The following ABCA13 variants were observed in gnomAD, a reference collection of about 807,000 sequenced individuals.
ABCA13 encodes ATP binding cassette subfamily A member 13, also known as ATP-binding cassette sub-family A member 13.
Under a neutral mutation model 478.7 loss-of-function variants are expected in ABCA13, and 476 were observed. The ratio of observed to expected loss-of-function variants is 0.99; its 90% confidence interval spans 0.92 to 1.07. ABCA13 has a LOEUF of 1.07. Among genes scored for constraint, ABCA13 ranks in the 50% least tolerant of loss-of-function variants. The pLI is 0.00. For synonymous variants in ABCA13, 2,252 were observed against 2,158.9 expected (o/e 1.04, Z -1.20); for missense variants, 6,060 against 5,910.6 (o/e 1.03, Z -0.83).
chr7:48,504,088 G>A (rs764644476), intron 48 of ABCA13, among the ~76,000 whole-genome samples: 9 of 152,142 alleles, frequency 5.9e-5, no homozygotes, highest in African/African-American at 1.9e-4. Flanking sequence ...TAAATTCAGC[G>A]TTGGACAGAC....
At chr7:48,633,514 A>G (rs1331954480) in intron 59 of ABCA13, among the ~76,000 whole-genome samples, 1 of 152,146 alleles carries the variant, frequency 6.6e-6, no homozygotes, top group East Asian at 1.9e-4. Flanking sequence ...AATCAACCAC[A>G]TGCTCAGCCA....
Position 48,338,439 on chromosome 7 carries a change from A to G in ABCA13, c.10188A>G (p.Glu3396=). The change falls in exon 29 of 62, where the codon GAA becomes GAG. Residue 3396 remains glutamate (E), a synonymous_variant. Coordinates refer to ENST00000435803, the MANE Select transcript of ABCA13 (RefSeq NM_152701.5). ...QLHIDVDKLT[E]KLQTYGGLLD... Reference sequence around the variant, plus strand: ...ACATTGATGTAGACAAACTTACTGAAAAACTCCAGACATACGGTAAGTGTG... The same window carrying G: ...ACATTGATGTAGACAAACTTACTGAGAAACTCCAGACATACGGTAAGTGTG... 4 of 1,594,370 alleles carry G rather than the reference A, an allele frequency of 2.5e-6. No homozygotes were observed. The highest frequency in any genetic ancestry group is 3.4e-6 in the Non-Finnish European group (4 of 1,169,640).
intron 43 of ABCA13, among the ~76,000 whole-genome samples, chr7:48,463,963 T>C (rs1041101082): frequency 2.3e-4 from 35 of 152,224 alleles, no homozygotes; most frequent in South Asian, 1.0e-3. Context: ...TCAGAACCAC[T>C]GGGGGGACTT....
intron 27 of ABCA13, 28 bp from the exon 28 acceptor site, chr7:48,335,394 A>G (rs768188731): frequency 6.7e-7 from 1 of 1,487,518 alleles, no homozygotes; most frequent in Middle Eastern, 1.7e-4. Flanking sequence ...TGAATAAGAG[A>G]CATATCCAAA....
chr7:48,298,255 A>G, intron 22 of ABCA13, 111 bp from the exon 23 acceptor site: 1 of 961,716 alleles, frequency 1.0e-6, no homozygotes, highest in Non-Finnish European at 1.5e-6. Flanking sequence ...TATGGGTTGA[A>G]TGGTGTGAAA....
chr7:48,622,719 G>A (rs1793262132), intron 59 of ABCA13, among the ~76,000 whole-genome samples: 1 of 152,094 alleles, frequency 6.6e-6, no homozygotes, highest in African/African-American at 2.4e-5. Context: ...TAATAATATT[G>A]AGAACTAATT....
At chr7:48,202,909 C>T (rs1254300404) in intron 3 of ABCA13, among the ~76,000 whole-genome samples, 1 of 152,008 alleles carries the variant, frequency 6.6e-6, no homozygotes, top group Non-Finnish European at 1.5e-5. Context: ...GTGCCGTGCG[C>T]CCGCGCTCCT....
chr7:48,637,489 C>T (rs796533523), intron 59 of ABCA13, among the ~76,000 whole-genome samples: 4 of 147,774 alleles, frequency 2.7e-5, no homozygotes, highest in African/African-American at 1.0e-4. Flanking sequence ...GTGAGAATAG[C>T]TTGGTGGCTA....
chr7:48,432,561 A>G (rs1822288206), intron 42 of ABCA13, among the ~76,000 whole-genome samples: 1 of 152,206 alleles, frequency 6.6e-6, no homozygotes, highest in African/African-American at 2.4e-5. Context: ...CAAGACATGG[A>G]ATCAACCTAA....
intron 15 of ABCA13, among the ~76,000 whole-genome samples, chr7:48,254,635 T>C (rs1793114921): frequency 6.6e-6 from 1 of 152,178 alleles, no homozygotes; most frequent in African/African-American, 2.4e-5. Flanking sequence ...TGCTTTAGTT[T>C]TGTTTCTGGC....
intron 27 of ABCA13, among the ~76,000 whole-genome samples, chr7:48,329,007 G>C (rs952405287): frequency 1.3e-5 from 2 of 152,164 alleles, no homozygotes; most frequent in Non-Finnish European, 2.9e-5. Flanking sequence ...ATTCGCACAT[G>C]CAAACAAGGA....
At chr7:48,483,225 A>G (rs536678253) in intron 47 of ABCA13, 62 bp downstream of exon 47, 2 of 1,442,192 alleles carry the variant, frequency 1.4e-6, no homozygotes, top group East Asian at 2.5e-5. Context: ...TCAACATTCA[A>G]ATATAATTTT....
In ABCA13 at chr7:48,317,268, C is replaced by T; in HGVS notation, c.9971C>T (p.Thr3324Ile). ...LHGKILYTPN[T>I]PEINKVIQKA... Reference sequence around the variant, plus strand: ...GGAAAAATACTATACACACCAAACACTCCAGAAATTAACAAGGTCATTCAA... The same window carrying T: ...GGAAAAATACTATACACACCAAACATTCCAGAAATTAACAAGGTCATTCAA... Residue 3324 changes from threonine to isoleucine, a missense_variant, in exon 27 of 62, where the codon ACT (threonine) becomes ATT (isoleucine). Transcript: ENST00000435803. 6.2e-7 allele frequency: 1 copy of T among 1,613,410 alleles called. No homozygotes were observed. Among genetic ancestry groups the T allele is most frequent in the Non-Finnish European group, 8.5e-7 (1 of 1,179,776 alleles).
chr7:48,580,515 A>G (rs1000244362), intron 56 of ABCA13, 141 bp downstream of exon 56: 11 of 714,224 alleles, frequency 1.5e-5, no homozygotes, highest in Non-Finnish European at 2.5e-5. Context: ...GAGATTTTCT[A>G]ATATGATTAT....
At chr7:48,475,822 C>G (rs1828033062) in intron 45 of ABCA13, among the ~76,000 whole-genome samples, 1 of 152,084 alleles carries the variant, frequency 6.6e-6, no homozygotes, top group African/African-American at 2.4e-5. Flanking sequence ...AAAAAGGTTC[C>G]ATGGTTAGTC....
In ABCA13 at chr7:48,615,334, G is replaced by C; in HGVS notation, c.14794G>C (p.Gly4932Arg). Residue 4932 changes from glycine to arginine, a missense_variant, in exon 59 of 62, where the codon GGC (glycine) becomes CGC (arginine). Coordinates refer to ENST00000435803, the MANE Select transcript of ABCA13 (RefSeq NM_152701.5). ...LCTRLAIMVNGSFKCLGSPQH... is the reference protein window; with the variant it reads ...LCTRLAIMVNRSFKCLGSPQH... The stretch of plus-strand genomic sequence containing the variant: ...CACAAGACTGGCCATAATGGTTAAC[G>C]GCAGCTTCAAATGTCTTGGTTCTCC... 6.3e-7 allele frequency: 1 copy of C among 1,580,934 alleles called. No homozygotes were observed. The highest frequency in any genetic ancestry group is 8.6e-7 in the Non-Finnish European group (1 of 1,162,048).
chr7:48,449,936 C>T (rs1419419989), intron 42 of ABCA13, among the ~76,000 whole-genome samples: 1 of 152,214 alleles, frequency 6.6e-6, no homozygotes, highest in Non-Finnish European at 1.5e-5. Context: ...GAATTGCTGG[C>T]ATTGGCTGAC....
intron 31 of ABCA13, among the ~76,000 whole-genome samples, chr7:48,355,261 G>C (rs1809708473): frequency 6.6e-6 from 1 of 151,972 alleles, no homozygotes; most frequent in Non-Finnish European, 1.5e-5. Context: ...CAGGAAGGTA[G>C]CATTTTAACA....
In ABCA13 at chr7:48,173,339, T is replaced by C. The variant is rs146036520; in HGVS notation, c.69+1787T>C. 1.2e-3 allele frequency among the ~76,000 whole-genome samples: 181 copies of C among 152,330 alleles called. 2 individuals carry two copies. The highest frequency in any genetic ancestry group is 4.1e-3 in the African/African-American group (169 of 41,574). ...CATGAGAGCAGGACATTTTCCCCAA[T>C]TGGTTCATCAATGTATTCTCCAGCA... On this transcript the variant is annotated intron_variant, in intron 1 of 61. Coordinates refer to ENST00000435803, the MANE Select transcript of ABCA13 (RefSeq NM_152701.5).
Sources: gnomAD v4.1 joint callset for allele counts (sites outside exome capture counted in the v4.1 genomes callset) on GRCh38, gnomAD v4.1.1 for gene constraint, MANE v1.5 for transcripts, NCBI Gene and HGNC (gene_info 2026-07-23, HGNC 2026-07-21) for gene names.